Variants in FKBP6 observed in about 807,000 individuals in gnomAD.
FKBP6 encodes the protein FKBP prolyl isomerase family member 6 (inactive), also known as inactive peptidyl-prolyl cis-trans isomerase FKBP6.
Under a neutral mutation model 41.7 loss-of-function variants are expected in FKBP6, and 29 were observed. That is an observed-to-expected ratio of 0.70 (90% confidence interval 0.52 to 0.95). The LOEUF (loss-of-function observed/expected upper bound fraction) is 0.95. Among genes scored for constraint, FKBP6 ranks in the 40% least tolerant of loss-of-function variants. The pLI is 0.00. For missense variants in FKBP6, 338 were observed against 408.7 expected, an observed-to-expected ratio of 0.83 and a Z score of 1.49; for synonymous variants, 130 against 165.1, an observed-to-expected ratio of 0.79 and a Z score of 1.63.
At chr7:73,349,239 G>A (rs1417089616) in intron 8 of FKBP6, among the ~76,000 whole-genome samples, 4 of 150,736 alleles carry the variant, frequency 2.7e-5, no homozygotes, top group Non-Finnish European at 4.4e-5. Context: ...GAGAAACCCC[G>A]TCTCTACTAA....
chr7:73,329,235 CTCGGGGTG>C (rs1804749072), intron 2 of FKBP6, 117 bp from the exon 3 acceptor site: 2 of 782,756 alleles, frequency 2.6e-6, no homozygotes, highest in Non-Finnish European at 4.7e-6. Context: ...ATTCCTGTAC[CTCGGGGTG>C]TCGGGCAGCT....
chr7:73,330,599 G>A (rs1356449093), intron 4 of FKBP6, among the ~76,000 whole-genome samples: 8 of 152,194 alleles, frequency 5.3e-5, no homozygotes, highest in Admixed American at 4.6e-4. Flanking sequence ...GGTTTGAACT[G>A]ATTTTTCAGT....
At chr7:73,353,882 C>T (rs1029345273) in intron 8 of FKBP6, among the ~76,000 whole-genome samples, 14 of 152,040 alleles carry the variant, frequency 9.2e-5, no homozygotes, top group East Asian at 3.9e-4. Context: ...TACAGGCGTG[C>T]GCCACCACGC....
intron 8 of FKBP6, among the ~76,000 whole-genome samples, chr7:73,346,367 G>C (rs1258641102): frequency 6.6e-6 from 1 of 152,214 alleles, no homozygotes; most frequent in African/African-American, 2.4e-5. Context: ...GACCTGCAGG[G>C]ATTGGGGGTC....
chr7:73,353,709 TA>T (rs1280734747), intron 8 of FKBP6, among the ~76,000 whole-genome samples: 2 of 152,172 alleles, frequency 1.3e-5, no homozygotes, highest in Non-Finnish European at 2.9e-5. Flanking sequence ...TACATTTTGG[TA>T]ATTATCACAG....
intron 8 of FKBP6, among the ~76,000 whole-genome samples, chr7:73,354,610 G>A (rs1174913580): frequency 1.3e-5 from 2 of 152,218 alleles, no homozygotes; most frequent in African/African-American, 4.8e-5. Flanking sequence ...TCCAGATTAG[G>A]TTCTTAAGAT....
chr7:73,345,780 A>T (rs1323297102), intron 8 of FKBP6, among the ~76,000 whole-genome samples: 1 of 152,282 alleles, frequency 6.6e-6, no homozygotes, highest in East Asian at 1.9e-4. Context: ...ATGTCCTGCC[A>T]TGAGTTCTCC....
intron 6 of FKBP6, 78 bp downstream of exon 6, chr7:73,340,910 A>G: frequency 1.1e-6 from 1 of 913,100 alleles, no homozygotes; most frequent in Non-Finnish European, 1.7e-6. Flanking sequence ...TACTGCAAAA[A>G]TGCTGTCTTT....
At chr7:73,333,377 T>C (rs1804908004) in intron 5 of FKBP6, among the ~76,000 whole-genome samples, 1 of 152,026 alleles carries the variant, frequency 6.6e-6, no homozygotes, top group South Asian at 2.1e-4. Context: ...TTCCCCCTTC[T>C]CCTAACAGAA....
chr7:73,350,692 G>T (rs982387204), intron 8 of FKBP6, among the ~76,000 whole-genome samples: 14 of 152,170 alleles, frequency 9.2e-5, no homozygotes, highest in Admixed American at 9.2e-4. Context: ...GTAAAGGCAA[G>T]GTTGTGGAGA....
chr7:73,346,473 G>C (rs1554550288), intron 8 of FKBP6, among the ~76,000 whole-genome samples: 1 of 152,228 alleles, frequency 6.6e-6, no homozygotes, highest in African/African-American at 2.4e-5. Context: ...TGCTGAGCTA[G>C]GCCTGGGGCA....
At chr7:73,344,339 G>A (rs1187812784) in intron 8 of FKBP6, among the ~76,000 whole-genome samples, 1 of 152,198 alleles carries the variant, frequency 6.6e-6, no homozygotes, top group African/African-American at 2.4e-5. Context: ...AGGACTGGAG[G>A]CTGCTGATCT....
rs1431825503 is a variant in FKBP6, at chr7:73,331,781, G to A, written c.588+5G>A. ...GCCAAAGTGAGATATAAAAGGGTGA[G>A]AATGCTTTGAAAGTTAAGTGTAAGT... On this transcript the variant is annotated splice_donor_5th_base_variant and intron_variant, in intron 5 of 8. Coordinates refer to ENST00000252037, the MANE Select transcript of FKBP6 (RefSeq NM_003602.5). The A allele has an allele frequency of 8.7e-6, 14 of 1,613,292 alleles. No homozygotes were observed. The highest frequency in any genetic ancestry group is 1.1e-5 in the Non-Finnish European group (13 of 1,179,270).
At chr7:73,357,732 C>G (rs1805674829) in intron 8 of FKBP6, among the ~76,000 whole-genome samples, 1 of 152,026 alleles carries the variant, frequency 6.6e-6, no homozygotes, top group African/African-American at 2.4e-5. Flanking sequence ...CGCCTGTAAT[C>G]CCAGCACTTT....
chr7:73,331,487 G>A (rs1344765011), intron 4 of FKBP6, among the ~76,000 whole-genome samples, 170 bp from the exon 5 acceptor site: 1 of 152,208 alleles, frequency 6.6e-6, no homozygotes, highest in Admixed American at 6.5e-5. Flanking sequence ...AGAGCTCACA[G>A]CTGTAGTAAC....
intron 5 of FKBP6, among the ~76,000 whole-genome samples, chr7:73,335,937 C>G (rs1554548503): frequency 6.6e-6 from 1 of 152,138 alleles, no homozygotes; most frequent in Non-Finnish European, 1.5e-5. Context: ...TGGAAAGTTT[C>G]TCCGTCTTTG....
At chr7:73,341,534 C>A in intron 7 of FKBP6, 152 bp downstream of exon 7, 1 of 673,326 alleles carries the variant, frequency 1.5e-6, no homozygotes, top group South Asian at 1.6e-5. Flanking sequence ...AAGTGCTCGG[C>A]CGTGCGCTGC....
intron 5 of FKBP6, chr7:73,337,072 T>G: frequency 1.6e-5 from 5 of 319,516 alleles, no homozygotes; most frequent in South Asian, 1.0e-4. Flanking sequence ...GAAAACTGTT[T>G]CCAGCTGACA....
At chr7:73,335,158 A>G (rs926644402) in intron 5 of FKBP6, among the ~76,000 whole-genome samples, 2 of 149,154 alleles carry the variant, frequency 1.3e-5, no homozygotes. Context: ...AAAAAGTCCT[A>G]TTACTGTGAA....
Sources: allele counts gnomAD v4.1 joint callset (sites outside exome capture counted in the v4.1 genomes callset), GRCh38; gene constraint gnomAD v4.1.1; transcripts MANE v1.5; gene names NCBI Gene and HGNC (gene_info 2026-07-23, HGNC 2026-07-21).